The following BAZ1A variants were observed in gnomAD, a reference collection of about 807,000 sequenced individuals.
The protein encoded by BAZ1A is bromodomain adjacent to zinc finger domain 1A.
In BAZ1A, 50 loss-of-function variants were observed where a neutral mutation model predicts 185.2. The observed-to-expected ratio is 0.27, with a 90% CI of 0.22 to 0.34. The LOEUF is 0.34. BAZ1A is among the 10% of genes least tolerant of loss of function. BAZ1A has a pLI of 1.00. For missense variants in BAZ1A, 1,356 were observed against 1,839.9 expected (o/e 0.74, Z 4.81); for synonymous variants, 571 against 615.6 (o/e 0.93, Z 1.07).
intron 26 of BAZ1A, among the ~76,000 whole-genome samples, chr14:34,754,271 A>AG (rs1308002919): frequency 2.0e-5 from 3 of 149,132 alleles, no homozygotes; most frequent in African/African-American, 7.4e-5. Flanking sequence ...AAAAAAAAAA[A>AG]AATTAGGCAT....
chr14:34,786,111 A>G lies in BAZ1A; in HGVS notation c.1606+15T>C. The G allele has an allele frequency of 6.3e-7, 1 of 1,578,934 alleles. No individual in the cohort carries two copies. The highest frequency in any genetic ancestry group is 8.5e-7 in the Non-Finnish European group (1 of 1,170,112). ...ATAAAAAGCCAAACAAAAAAAAAAC[A>G]AAACCCACACATACCCTGGTGTAAC... On this transcript the variant is annotated intron_variant, in intron 13 of 26. Transcript: ENST00000360310.
chr14:34,792,998 T>A, intron 11 of BAZ1A, 77 bp from the exon 12 acceptor site: 2 of 1,307,522 alleles, frequency 1.5e-6, no homozygotes, highest in Non-Finnish European at 2.1e-6. Context: ...AATAAACATG[T>A]AATCAACAAT....
intron 17 of BAZ1A, among the ~76,000 whole-genome samples, chr14:34,777,920 GGTGGAAGTTGCA>G (rs142813539): frequency 0.15 from 23,056 of 152,126 alleles, 1,989 homozygotes; most frequent in Admixed American, 0.27. Context: ...GAACCCAGAA[GGTGGAAGTTGCA>G]GTGAGCCGAG....
chr14:34,775,629 G>C (rs562685073), intron 18 of BAZ1A, among the ~76,000 whole-genome samples: 53 of 152,248 alleles, frequency 3.5e-4, no homozygotes, highest in Non-Finnish European at 6.2e-4. Context: ...TCTATTCTTG[G>C]GTTTCAGAGT....
intron 4 of BAZ1A, among the ~76,000 whole-genome samples, chr14:34,820,916 C>T (rs2042080060): frequency 6.6e-6 from 1 of 152,114 alleles, no homozygotes; most frequent in East Asian, 1.9e-4. Context: ...ATTCATTGAT[C>T]GATCTGTCTA....
chr14:34,873,063 G>A (rs1250419877), intron 2 of BAZ1A, among the ~76,000 whole-genome samples: 1 of 151,998 alleles, frequency 6.6e-6, no homozygotes, highest in African/African-American at 2.4e-5. Context: ...ACTGTCTGAC[G>A]AAAAGTACTC....
At chr14:34,769,240 T>G (rs1228402265) in intron 21 of BAZ1A, among the ~76,000 whole-genome samples, 1 of 152,182 alleles carries the variant, frequency 6.6e-6, no homozygotes, top group Non-Finnish European at 1.5e-5. Context: ...CATCTCCTGC[T>G]GTCCTGTGCA....
At chr14:34,766,907 G>T (rs749055105) in intron 21 of BAZ1A, among the ~76,000 whole-genome samples, 2 of 152,122 alleles carry the variant, frequency 1.3e-5, no homozygotes, top group East Asian at 3.9e-4. Flanking sequence ...ATTAGAAACA[G>T]AATATAAAAT....
intron 21 of BAZ1A, chr14:34,768,686 T>G (rs1246083416): frequency 5.2e-6 from 2 of 387,472 alleles, no homozygotes; most frequent in Non-Finnish European, 9.9e-6. Flanking sequence ...AGTTAAAAAT[T>G]TACCATCTCT....
intron 3 of BAZ1A, among the ~76,000 whole-genome samples, chr14:34,852,965 T>G (rs2138794214): frequency 6.6e-6 from 1 of 152,296 alleles, no homozygotes; most frequent in South Asian, 2.1e-4. Flanking sequence ...GCTCCATGAC[T>G]TGGTTTTTTG....
At chr14:34,819,014 G>A (rs1318364161) in intron 4 of BAZ1A, among the ~76,000 whole-genome samples, 6 of 151,530 alleles carry the variant, frequency 4.0e-5, no homozygotes, top group Non-Finnish European at 8.8e-5. Context: ...GGTGGCAGGC[G>A]CCTGTAGTCC....
intron 16 of BAZ1A, among the ~76,000 whole-genome samples, 160 bp downstream of exon 16, chr14:34,782,959 T>C (rs1279041816): frequency 6.6e-6 from 1 of 152,220 alleles, no homozygotes. Context: ...AATATATTGG[T>C]TAAAAATAGC....
At chr14:34,836,761 A>G (rs2042337717) in intron 3 of BAZ1A, among the ~76,000 whole-genome samples, 1 of 152,160 alleles carries the variant, frequency 6.6e-6, no homozygotes, top group East Asian at 1.9e-4. Context: ...AGTTTATGTG[A>G]TATCTCATTT....
chr14:34,774,354 G>A lies in BAZ1A; in HGVS notation c.2970C>T (p.Ile990=). 1.2e-6 allele frequency: 2 copies of A among 1,612,826 alleles called. No individual in the cohort carries two copies. The highest frequency in any genetic ancestry group is 2.2e-5 in the South Asian group (2 of 90,656). The stretch of plus-strand genomic sequence containing the variant: ...TGATGGCTCCTAATGTTCCTTGGTA[G>A]ATTCTATCTTCAATATCTAAAAGAA... ...RDFLLDIEDR[I]YQGTLGAIKV... Residue 990 remains isoleucine (I), a synonymous_variant, in exon 19 of 27, where the codon ATC becomes ATT. Transcript: ENST00000360310.
chr14:34,756,734 G>C (rs558638813), intron 25 of BAZ1A, among the ~76,000 whole-genome samples: 1 of 151,990 alleles, frequency 6.6e-6, no homozygotes, highest in African/African-American at 2.4e-5. Context: ...CAAAGTGTTG[G>C]GATTACAGGT....
chr14:34,776,254 G>A lies in BAZ1A; in HGVS notation c.2498C>T (p.Thr833Ile), dbSNP rs753016726. 6.2e-7 allele frequency: 1 copy of A among 1,613,942 alleles called. No individual in the cohort carries two copies. The highest frequency in any genetic ancestry group is 1.1e-5 in the South Asian group (1 of 91,080). ...AGGTCTAGGCAACAGCATGTCTTCA[G>A]TAAGACCAGAATAATCCTCTTCAAT... is the stretch of plus-strand genomic sequence containing the variant. ...LFIEEDYSGL[T>I]EDMLLPRPSS... The change falls in exon 18 of 27, where the codon ACT becomes ATT. Residue 833 changes from threonine (T) to isoleucine (I), a missense_variant. Physicochemically the swap from Thr to Ile is moderately conservative, Grantham distance 89. Coordinates refer to ENST00000360310, the MANE Select transcript of BAZ1A (RefSeq NM_013448.3).
chr14:34,769,626 TA>T (rs1051764050), intron 21 of BAZ1A, among the ~76,000 whole-genome samples: 1 of 152,162 alleles, frequency 6.6e-6, no homozygotes, highest in African/African-American at 2.4e-5. Flanking sequence ...CCCTTCAACT[TA>T]AAAAAACTTT....
intron 20 of BAZ1A, among the ~76,000 whole-genome samples, chr14:34,773,194 G>T (rs367671085): frequency 6.6e-6 from 1 of 151,980 alleles, no homozygotes; most frequent in East Asian, 1.9e-4. Context: ...ACAGGCCCAC[G>T]CCATCTTGCC....
intron 21 of BAZ1A, among the ~76,000 whole-genome samples, chr14:34,770,559 T>C (rs1883442753): frequency 6.6e-6 from 1 of 152,210 alleles, no homozygotes; most frequent in Admixed American, 6.5e-5. Context: ...ATTACAAGAA[T>C]ATAAATATCT....
Sources: allele counts gnomAD v4.1 joint callset (sites outside exome capture counted in the v4.1 genomes callset), GRCh38; gene constraint gnomAD v4.1.1; transcripts MANE v1.5; gene names NCBI Gene and HGNC (gene_info 2026-07-23, HGNC 2026-07-21).